FAAH2: variants seen among roughly 807,000 people sequenced by gnomAD.
FAAH2 encodes the protein fatty acid amide hydrolase 2, also known as fatty-acid amide hydrolase 2.
A neutral mutation model predicts 36.9 loss-of-function variants in FAAH2; 60 were observed. That is an observed-to-expected ratio of 1.63 (90% CI 1.32 to 2.02). FAAH2 has a LOEUF of 2.02. FAAH2 is among the 30% of genes most tolerant of loss of function. The pLI, the probability that FAAH2 is intolerant of heterozygous loss-of-function variation, is 0.00. For missense variants in FAAH2, 689 were observed against 397.5 expected (o/e 1.73, Z -6.23); for synonymous variants, 214 against 143.8 (o/e 1.49, Z -3.49).
chrX:57,457,197 A>G (rs1395985020), intron 10 of FAAH2, among the ~76,000 whole-genome samples: 1 of 111,805 alleles, frequency 8.9e-6, no homozygotes, highest in Non-Finnish European at 1.9e-5. Context: ...AAAAGCAAAA[A>G]CTACATGATC....
intron 3 of FAAH2, among the ~76,000 whole-genome samples, chrX:57,330,938 G>T (rs1470960626): frequency 9.0e-6 from 1 of 110,532 alleles, no homozygotes; most frequent in African/African-American, 3.3e-5. Flanking sequence ...CTTAGGGGCT[G>T]CACTGCAAGC....
In FAAH2 at chrX:57,312,100, G is replaced by C. The variant is rs896118906; in HGVS notation, c.412+1371G>C. Among the ~76,000 whole-genome samples the C allele has an allele frequency of 4.5e-5, 5 of 112,351 alleles. No individual in the cohort carries two copies. In the South Asian group the frequency reaches 1.8e-3, roughly 41 times the overall value. ...TGGTGGTACAGAATAGCTAATAAAA[G>C]AAATGCCAGCACAGCACCATTGATC... On this transcript the variant is annotated intron_variant, in intron 3 of 10. Transcript: ENST00000374900.
At position 57,466,455 on chromosome X, in the gene FAAH2, T is replaced by TAA. The variant is rs200537257; in HGVS notation, c.1423+17738_1423+17739dup. On this transcript the variant is annotated intron_variant, in intron 10 of 10. Coordinates refer to ENST00000374900, the MANE Select transcript of FAAH2 (RefSeq NM_174912.4). ...TACTGGAAAAGTATATATATATATA[T>TAA]AACAAAAGTATGTAAAAGAGGAACA... Among the ~76,000 whole-genome samples the TAA allele has an allele frequency of 8.5e-3, 587 of 68,843 alleles. 2 individuals are homozygous for TAA. The highest frequency in any genetic ancestry group is 0.013 in the Admixed American group (63 of 4,697). 59.8% of individuals were successfully genotyped at this position (68,843 alleles called of 115,157 possible). A position where few individuals can be genotyped will look rare whatever the true frequency, so the allele number is the denominator to read the frequency against.
chrX:57,432,537 C>A (rs187244858), intron 8 of FAAH2, among the ~76,000 whole-genome samples: 13 of 111,495 alleles, frequency 1.2e-4, no homozygotes, highest in African/African-American at 3.9e-4. Context: ...GCTATCTGCC[C>A]ATCTCCTGTT....
intron 3 of FAAH2, 60 bp from the exon 4 acceptor site, chrX:57,331,538 G>A (rs1327038734): frequency 2.8e-5 from 29 of 1,051,382 alleles, no homozygotes; most frequent in Non-Finnish European, 3.5e-5. Context: ...TTGCCCCTCA[G>A]GAGAAAACAA....
chrX:57,437,669 T>A (rs886721068), intron 8 of FAAH2, among the ~76,000 whole-genome samples: 20 of 104,309 alleles, frequency 1.9e-4, no homozygotes, highest in African/African-American at 6.8e-4. Context: ...TGTTAATTAA[T>A]AAGATGAAAT....
At chrX:57,369,976 C>T (rs1211164187) in intron 5 of FAAH2, among the ~76,000 whole-genome samples, 2 of 111,580 alleles carry the variant, frequency 1.8e-5, no homozygotes, top group African/African-American at 6.5e-5. Flanking sequence ...TGTGACCAAA[C>T]TTATTATCAA....
intron 5 of FAAH2, among the ~76,000 whole-genome samples, chrX:57,348,924 G>C (rs1454468566): frequency 9.3e-6 from 1 of 107,049 alleles, no homozygotes; most frequent in East Asian, 2.9e-4. Context: ...TCACCAGCAA[G>C]AGATTCAAAC....
At chrX:57,478,968 T>C (rs2057324534) in intron 10 of FAAH2, among the ~76,000 whole-genome samples, 1 of 111,666 alleles carries the variant, frequency 9.0e-6, no homozygotes, top group South Asian at 3.8e-4. Context: ...CTTGGCAATG[T>C]GGGCTCTTTT....
intron 7 of FAAH2, among the ~76,000 whole-genome samples, chrX:57,384,777 G>A (rs1249266576): frequency 9.0e-6 from 1 of 111,556 alleles, no homozygotes; most frequent in Non-Finnish European, 1.9e-5. Context: ...GGATTCCTCA[G>A]GGATCTAGAA....
At chrX:57,403,875 T>C (rs971298044) in intron 7 of FAAH2, among the ~76,000 whole-genome samples, 6 of 112,547 alleles carry the variant, frequency 5.3e-5, no homozygotes, top group African/African-American at 1.9e-4. Context: ...TAACGGAATT[T>C]TCTGTGGTTA....
At chrX:57,350,010 A>T (rs773428882) in intron 5 of FAAH2, among the ~76,000 whole-genome samples, 2 of 110,850 alleles carry the variant, frequency 1.8e-5, no homozygotes, top group Non-Finnish European at 3.8e-5. Context: ...AGCAAGAGAA[A>T]GTCATCTATT....
At chrX:57,247,785 T>C in the FAAH2 span, among the ~76,000 whole-genome samples, 1 of 112,239 alleles carries the variant, frequency 8.9e-6, no homozygotes, top group Non-Finnish European at 1.9e-5. Flanking sequence ...CACACCTAGC[T>C]GCATGGGAGG....
chrX:57,476,939 T>C (rs1214042237), intron 10 of FAAH2, among the ~76,000 whole-genome samples: 1 of 111,034 alleles, frequency 9.0e-6, no homozygotes, highest in Non-Finnish European at 1.9e-5. Flanking sequence ...AGGGTGTATG[T>C]GTCCAGGAAT....
chrX:57,466,274 A>T (rs1205984725), intron 10 of FAAH2, among the ~76,000 whole-genome samples: 2 of 105,943 alleles, frequency 1.9e-5, no homozygotes, highest in African/African-American at 6.8e-5. Context: ...TTTACTGTAA[A>T]TTAGTTAATA....
chrX:57,447,174 T>G, intron 9 of FAAH2, 135 bp downstream of exon 9: 1 of 417,861 alleles, frequency 2.4e-6, no homozygotes, highest in Non-Finnish European at 4.1e-6. Flanking sequence ...CGCTCCAAAA[T>G]GATCTCCTTT....
At chrX:57,363,011 T>G (rs2054323678) in intron 5 of FAAH2, among the ~76,000 whole-genome samples, 1 of 111,943 alleles carries the variant, frequency 8.9e-6, no homozygotes, top group Admixed American at 9.5e-5. Flanking sequence ...AATAATGTGA[T>G]GCCTCCAGCT....
the FAAH2 span, among the ~76,000 whole-genome samples, chrX:57,172,086 C>T: frequency 1.8e-5 from 2 of 110,867 alleles, no homozygotes; most frequent in Non-Finnish European, 3.8e-5. Context: ...TTTATGGGTT[C>T]TCTATTCTAT....
chrX:57,164,081 AG>A, the FAAH2 span, among the ~76,000 whole-genome samples: 52 of 112,374 alleles, frequency 4.6e-4, no homozygotes, highest in Non-Finnish European at 1.9e-4. Context: ...TAAGGCCAGA[AG>A]AAAACAGAAT....
Sources: gnomAD v4.1 joint callset for allele counts (sites outside exome capture counted in the v4.1 genomes callset) on GRCh38, gnomAD v4.1.1 for gene constraint, MANE v1.5 for transcripts, NCBI Gene and HGNC (gene_info 2026-07-23, HGNC 2026-07-21) for gene names.